Variants in FBXO34 observed in about 807,000 individuals in gnomAD.
FBXO34 encodes F-box only protein 34.
In FBXO34, 12 loss-of-function variants were observed where a neutral mutation model predicts 24.5. That is an observed-to-expected ratio of 0.49 (90% CI 0.31 to 0.79). The LOEUF is 0.79. FBXO34 is among the 30% of genes least tolerant of loss of function. The pLI is 0.04. For missense variants in FBXO34, 823 were observed against 857.7 expected (o/e 0.96, Z 0.51); for synonymous variants, 320 against 311.9 (o/e 1.03, Z -0.27).
the FBXO34 span, among the ~76,000 whole-genome samples, chr14:55,432,429 CA>C: frequency 7.2e-6 from 1 of 138,956 alleles, no homozygotes; most frequent in Non-Finnish European, 1.5e-5. Flanking sequence ...AAAAAAACAA[CA>C]AATAAACAAA....
intron 1 of FBXO34, among the ~76,000 whole-genome samples, chr14:55,312,812 G>T (rs982601216): frequency 3.3e-5 from 5 of 152,224 alleles, no homozygotes; most frequent in African/African-American, 1.2e-4. Context: ...CCTGGCCCAG[G>T]AAACCATTTT....
Position 55,351,255 on chromosome 14 carries a change from G to C in FBXO34, c.865G>C (p.Glu289Gln). The change falls in exon 2 of 2, where the codon GAG (glutamate) becomes CAG (glutamine). Residue 289 changes from glutamate to glutamine, a missense_variant. By Grantham distance (29) the Glu-to-Gln change is conservative (BLOSUM62 2). Coordinates refer to ENST00000313833, the MANE Select transcript of FBXO34 (RefSeq NM_017943.4). The stretch of plus-strand genomic sequence containing the variant: ...TGACATGGTAGCCAAGTTGGAGTCT[G>C]AGTGCCTGAAGCGGCAGGGCCAGCG... Reference protein sequence around the residue: ...VLDMVAKLESECLKRQGQREP... With the variant: ...VLDMVAKLESQCLKRQGQREP... 6.2e-7 allele frequency: 1 copy of C among 1,614,208 alleles called. No homozygotes were observed. The highest frequency in any genetic ancestry group is 1.1e-5 in the South Asian group (1 of 91,084).
intron 1 of FBXO34, among the ~76,000 whole-genome samples, chr14:55,284,596 T>A (rs1232831653): frequency 3.4e-5 from 5 of 147,168 alleles, no homozygotes; most frequent in African/African-American, 7.4e-5. Flanking sequence ...ATTTTGAGTG[T>A]TTGTGGTTAC....
At chr14:55,397,863 A>G in the FBXO34 span, among the ~76,000 whole-genome samples, 1 of 152,070 alleles carries the variant, frequency 6.6e-6, no homozygotes, top group Non-Finnish European at 1.5e-5. Context: ...TTTTTTCACT[A>G]ATTTTATTGC....
the FBXO34 span, among the ~76,000 whole-genome samples, chr14:55,430,398 TAAAAAAAAAAAA>T: frequency 2.5e-5 from 3 of 119,828 alleles, no homozygotes; most frequent in African/African-American, 6.3e-5. Flanking sequence ...TCACCCACTT[TAAAAAAAAAAAA>T]AAAAAAAAAA....
At chr14:55,424,231 C>A in the FBXO34 span, 3 of 1,612,680 alleles carry the variant, frequency 1.9e-6, no homozygotes, top group Non-Finnish European at 2.5e-6. Context: ...TAAATAAGAC[C>A]AGGAAACAGT....
the FBXO34 span, among the ~76,000 whole-genome samples, chr14:55,393,548 AT>A: frequency 3.9e-3 from 560 of 142,552 alleles, no homozygotes; most frequent in Middle Eastern, 7.1e-3. Context: ...ATCTTTTCAG[AT>A]TTTTTTTTTT....
chr14:55,421,060 C>CAAAAAAAAAA, the FBXO34 span, among the ~76,000 whole-genome samples: 4 of 107,504 alleles, frequency 3.7e-5, no homozygotes, highest in Admixed American at 1.1e-4. Context: ...GAATCTGTCT[C>CAAAAAAAAAA]AAAAAAAAAA....
chr14:55,402,178 A>T, the FBXO34 span, among the ~76,000 whole-genome samples: 1 of 152,160 alleles, frequency 6.6e-6, no homozygotes, highest in Admixed American at 6.5e-5. Context: ...CAATTTACTG[A>T]GCACTTACTA....
At chr14:55,291,663 A>G (rs77658582) in intron 1 of FBXO34, among the ~76,000 whole-genome samples, 8,829 of 152,054 alleles carry the variant, frequency 0.058, 322 homozygotes, top group South Asian at 0.089. Context: ...GCAAGACCCC[A>G]CCTCTAATAA....
chr14:55,411,810 T>C, the FBXO34 span: 1 of 1,595,206 alleles, frequency 6.3e-7, no homozygotes, highest in Non-Finnish European at 8.5e-7. Context: ...CCCTTCCCAC[T>C]GGGAGACGCC....
the FBXO34 span, chr14:55,397,544 T>A: frequency 2.3e-6 from 2 of 858,660 alleles, no homozygotes; most frequent in South Asian, 1.5e-5. Context: ...GAAAATGTCA[T>A]TGTCCTGATA....
intron 1 of FBXO34, among the ~76,000 whole-genome samples, chr14:55,342,768 G>A (rs1884033194): frequency 6.6e-6 from 1 of 152,206 alleles, no homozygotes; most frequent in Admixed American, 6.5e-5. Flanking sequence ...ACAGCTCTGT[G>A]TAGTAGTTTT....
At chr14:55,294,548 A>G (rs1882056418) in intron 1 of FBXO34, among the ~76,000 whole-genome samples, 1 of 152,212 alleles carries the variant, frequency 6.6e-6, no homozygotes, top group Non-Finnish European at 1.5e-5. Flanking sequence ...CCTGGCCTCA[A>G]AAAACATTTG....
the FBXO34 span, chr14:55,397,413 C>G: frequency 6.2e-7 from 1 of 1,613,212 alleles, no homozygotes; most frequent in Non-Finnish European, 8.5e-7. Flanking sequence ...GTCGGCTTAA[C>G]CTTTCCTTCT....
intron 1 of FBXO34, among the ~76,000 whole-genome samples, chr14:55,322,814 C>T (rs1883185440): frequency 6.6e-6 from 1 of 151,898 alleles, no homozygotes; most frequent in Non-Finnish European, 1.5e-5. Context: ...ATAAAGCATT[C>T]TACCATATTT....
intron 1 of FBXO34, among the ~76,000 whole-genome samples, chr14:55,274,980 A>G (rs1469202316): frequency 3.3e-5 from 5 of 152,240 alleles, no homozygotes; most frequent in African/African-American, 1.2e-4. Context: ...CAAAAACAAA[A>G]AAGAGCAGAT....
At chr14:55,331,696 T>C in intron 1 of FBXO34, among the ~76,000 whole-genome samples, 1 of 61,108 alleles carries the variant, frequency 1.6e-5, no homozygotes, top group African/African-American at 2.2e-4. Context: ...TGTATATATA[T>C]ATATATATGT....
Position 55,352,089 on chromosome 14 carries a change from C to T in FBXO34, c.1699C>T (p.Gln567Ter). 1 of 1,614,164 alleles carries T rather than the reference C, an allele frequency of 6.2e-7. No homozygotes were observed. The highest frequency in any genetic ancestry group is 8.5e-7 in the Non-Finnish European group (1 of 1,180,024). ...CCTGGAGACCAGGTTTAAAATCCAG[C>T]AGCTTTTGGAGCCTCAGCAGTACAT... is the stretch of plus-strand genomic sequence containing the variant. ...DFLETRFKIQQLLEPQQYMAF... is the reference protein window; with the variant it reads ...DFLETRFKIQ Residue 567 changes from glutamine (Q) to a stop codon, truncating the protein, a stop_gained, in exon 2 of 2, where the codon CAG becomes TAG. Transcript: ENST00000313833. LOFTEE classifies it high-confidence loss of function.
Sources: allele counts gnomAD v4.1 joint callset (sites outside exome capture counted in the v4.1 genomes callset), GRCh38; gene constraint gnomAD v4.1.1; transcripts MANE v1.5; gene names NCBI Gene and HGNC (gene_info 2026-07-23, HGNC 2026-07-21).